Variants in SPOCK1 observed in about 807,000 individuals in gnomAD.
SPOCK1 encodes SPARC (osteonectin), cwcv and kazal like domains proteoglycan 1.
In SPOCK1, 23 loss-of-function variants were observed where a neutral mutation model predicts 55.3. That is an observed-to-expected ratio of 0.42 (90% CI 0.30 to 0.59). SPOCK1 has a LOEUF of 0.59. Ranked by LOEUF, SPOCK1 falls within the 20% of genes least tolerant of loss-of-function variation. SPOCK1 has a pLI of 0.22. For missense variants in SPOCK1, 499 were observed against 552.5 expected (o/e 0.90, Z 0.97); for synonymous variants, 226 against 221.0 (o/e 1.02, Z -0.20).
intron 3 of SPOCK1, among the ~76,000 whole-genome samples, chr5:137,209,897 C>T (rs538461359): frequency 6.6e-6 from 1 of 152,322 alleles, no homozygotes; most frequent in South Asian, 2.1e-4. Context: ...CATATTTATG[C>T]TCTTGGGCAT....
chr5:137,129,577 G>A (rs970196600), intron 4 of SPOCK1, among the ~76,000 whole-genome samples: 1 of 152,092 alleles, frequency 6.6e-6, no homozygotes, highest in Non-Finnish European at 1.5e-5. Context: ...TGTGAAAAAG[G>A]GTCCTCATGT....
intron 4 of SPOCK1, among the ~76,000 whole-genome samples, chr5:137,116,050 C>G (rs1753572111): frequency 6.6e-6 from 1 of 152,178 alleles, no homozygotes; most frequent in African/African-American, 2.4e-5. Flanking sequence ...AGAGCAGGTT[C>G]TGTCAGCCTT....
At chr5:137,237,980 G>T (rs1421025466) in intron 3 of SPOCK1, among the ~76,000 whole-genome samples, 1 of 152,210 alleles carries the variant, frequency 6.6e-6, no homozygotes, top group African/African-American at 2.4e-5. Flanking sequence ...CATCATGGTG[G>T]TTGAGAATAT....
intron 3 of SPOCK1, among the ~76,000 whole-genome samples, chr5:137,224,360 A>G (rs949138394): frequency 3.3e-5 from 5 of 152,268 alleles, no homozygotes; most frequent in Admixed American, 2.6e-4. Context: ...ATACACATAC[A>G]TTGTGACTTA....
At chr5:137,035,207 G>A (rs1249573536) in intron 6 of SPOCK1, among the ~76,000 whole-genome samples, 2 of 152,230 alleles carry the variant, frequency 1.3e-5, no homozygotes, top group African/African-American at 4.8e-5. Context: ...CCTGAAGGAG[G>A]AGAGGGAGAA....
rs184164722 is a variant in SPOCK1, at chr5:137,287,391, G to A, written c.187-20336C>T. ...GAGGCATGCTCCTGCCTCAGGGCTCGACGAGACTTCCTTGCAGTGACAATG... is the reference window on the plus strand; with the variant it reads ...GAGGCATGCTCCTGCCTCAGGGCTCAACGAGACTTCCTTGCAGTGACAATG... On this transcript the variant is annotated intron_variant, in intron 2 of 10. Transcript: ENST00000394945. Among the ~76,000 whole-genome samples, 84 of 152,290 alleles carry A rather than the reference G, an allele frequency of 5.5e-4. No individual in the cohort carries two copies. The East Asian group carries it at 6.0e-3, about 11-fold the overall frequency.
intron 6 of SPOCK1, among the ~76,000 whole-genome samples, chr5:137,010,611 T>TC (rs1751332459): frequency 6.6e-6 from 1 of 151,946 alleles, no homozygotes; most frequent in Non-Finnish European, 1.5e-5. Flanking sequence ...AGCCTCCAGT[T>TC]CCCTCACCAG....
At chr5:137,383,496 C>T (rs560324415) in intron 2 of SPOCK1, among the ~76,000 whole-genome samples, 1 of 152,270 alleles carries the variant, frequency 6.6e-6, no homozygotes, top group East Asian at 1.9e-4. Flanking sequence ...TGATCCTTAC[C>T]CCCAAGAATG....
intron 3 of SPOCK1, among the ~76,000 whole-genome samples, chr5:137,262,057 T>C (rs1414438950): frequency 6.6e-6 from 1 of 152,202 alleles, no homozygotes; most frequent in Non-Finnish European, 1.5e-5. Flanking sequence ...TAAATAAGTT[T>C]CCATTTTCTT....
chr5:137,231,182 T>C (rs1051032762), intron 3 of SPOCK1, among the ~76,000 whole-genome samples: 3 of 152,126 alleles, frequency 2.0e-5, no homozygotes, highest in Non-Finnish European at 2.9e-5. Context: ...GTAGCTGAGA[T>C]TATAGGCATG....
At chr5:137,270,612 C>A (rs1377050000) in intron 2 of SPOCK1, among the ~76,000 whole-genome samples, 1 of 152,132 alleles carries the variant, frequency 6.6e-6, no homozygotes, top group Non-Finnish European at 1.5e-5. Context: ...TTGTTAAAAC[C>A]TGAAAGACCC....
chr5:137,278,254 A>G (rs1392427139), intron 2 of SPOCK1, among the ~76,000 whole-genome samples: 1 of 152,098 alleles, frequency 6.6e-6, no homozygotes, highest in African/African-American at 2.4e-5. Flanking sequence ...ATCCACTTAC[A>G]CAGCAGACGC....
At chr5:137,471,442 G>C (rs1753735461) in intron 2 of SPOCK1, among the ~76,000 whole-genome samples, 1 of 152,138 alleles carries the variant, frequency 6.6e-6, no homozygotes, top group Non-Finnish European at 1.5e-5. Flanking sequence ...TCATTCAGTT[G>C]CTGCAAAGGT....
intron 3 of SPOCK1, among the ~76,000 whole-genome samples, chr5:137,240,947 G>A (rs1270365781): frequency 6.6e-6 from 1 of 152,162 alleles, no homozygotes; most frequent in African/African-American, 2.4e-5. Flanking sequence ...AGTGAAGATG[G>A]CATCTCAAAT....
At chr5:137,114,586 C>T (rs943176696) in intron 4 of SPOCK1, among the ~76,000 whole-genome samples, 80 of 152,272 alleles carry the variant, frequency 5.3e-4, no homozygotes, top group African/African-American at 1.9e-3. Flanking sequence ...ACATACGGTA[C>T]TCTTTCAGGA....
intron 3 of SPOCK1, among the ~76,000 whole-genome samples, chr5:137,219,790 T>C (rs1755810776): frequency 6.6e-6 from 1 of 152,184 alleles, no homozygotes; most frequent in Non-Finnish European, 1.5e-5. Context: ...GGGCCCCTAG[T>C]CTACTTCACT....
intron 7 of SPOCK1, among the ~76,000 whole-genome samples, chr5:136,992,172 T>C (rs1237584051): frequency 6.6e-6 from 1 of 152,142 alleles, no homozygotes; most frequent in African/African-American, 2.4e-5. Context: ...TAAAAGATCA[T>C]AAAACAGTCT....
At chr5:136,990,361 T>C (rs1750923822) in intron 7 of SPOCK1, among the ~76,000 whole-genome samples, 1 of 151,442 alleles carries the variant, frequency 6.6e-6, no homozygotes, top group African/African-American at 2.4e-5. Context: ...ATAGGCTCCC[T>C]GAGGGAAAAG....
intron 6 of SPOCK1, among the ~76,000 whole-genome samples, chr5:137,033,030 G>A (rs1751813162): frequency 6.6e-6 from 1 of 152,262 alleles, no homozygotes; most frequent in African/African-American, 2.4e-5. Context: ...AATGGCTGGG[G>A]ATGGGCAGAG....
Sources: allele counts gnomAD v4.1 joint callset (sites outside exome capture counted in the v4.1 genomes callset), GRCh38; gene constraint gnomAD v4.1.1; transcripts MANE v1.5; gene names NCBI Gene and HGNC (gene_info 2026-07-23, HGNC 2026-07-21).